The following MAP3K15 variants were observed in gnomAD, a reference collection of about 807,000 sequenced individuals.
MAP3K15 encodes the protein MAPK/ERK kinase kinase 15.
In MAP3K15, 124 loss-of-function variants were observed where a neutral mutation model predicts 99.5. The ratio of observed to expected loss-of-function variants is 1.25; its 90% CI spans 1.08 to 1.45. The LOEUF is 1.45. Ranked by LOEUF, MAP3K15 falls within the 40% of genes most tolerant of loss-of-function variation. The pLI, the probability that MAP3K15 is intolerant of heterozygous loss-of-function variation, is 0.00. For missense variants in MAP3K15, 1,242 were observed against 1,079.7 expected (o/e 1.15, Z -2.11); for synonymous variants, 494 against 439.6 (o/e 1.12, Z -1.55).
chrX:19,371,059 A>G lies in MAP3K15; in HGVS notation c.3300T>C (p.Asn1100=). 1 of 1,100,253 alleles carries G rather than the reference A, an allele frequency of 9.1e-7. No homozygotes were observed. The highest frequency in any genetic ancestry group is 1.2e-6 in the Non-Finnish European group (1 of 832,544). 90.7% of individuals were successfully genotyped at this position (1,100,253 alleles called of 1,213,427 possible). The change falls in exon 24 of 29, where the codon AAT becomes AAC. Residue 1100 remains asparagine (N), a synonymous_variant. Coordinates refer to ENST00000338883, the MANE Select transcript of MAP3K15 (RefSeq NM_001001671.4). ...TAATTAAGTGGTTCCTCAAAATTTT[A>G]TTTACCTAAAAAAAAAAAAAATAAT... ...LVLFGFQDAV[N]KILRNHLIRP...
chrX:19,403,460 C>CTTT lies in MAP3K15; in HGVS notation c.1845-2800_1845-2798dup, dbSNP rs144389481. ...TCCCTAGTCTGCTATTTATTCTATT[C>CTTT]TTTTTTTTTTTTTTTTTTGACAGGA... On this transcript the variant is annotated intron_variant, in intron 13 of 28. Coordinates refer to ENST00000338883, the MANE Select transcript of MAP3K15 (RefSeq NM_001001671.4). Among the ~76,000 whole-genome samples the CTTT allele has an allele frequency of 8.3e-3, 726 of 86,953 alleles. 25 individuals are homozygous for CTTT. Among genetic ancestry groups the CTTT allele is most frequent in the African/African-American group, 0.033 (711 of 21,728 alleles). The allele number at this position is 86,953 out of a possible 115,157, so 75.5% of individuals were successfully genotyped here.
At chrX:19,363,333 G>C (rs1286353433) in intron 25 of MAP3K15, among the ~76,000 whole-genome samples, 1 of 112,079 alleles carries the variant, frequency 8.9e-6, no homozygotes, top group Non-Finnish European at 1.9e-5. Context: ...ACTGGCCACG[G>C]AATCTGCTGG....
chrX:19,375,399 C>G (rs1386671047), intron 19 of MAP3K15, among the ~76,000 whole-genome samples: 1 of 111,881 alleles, frequency 8.9e-6, no homozygotes, highest in African/African-American at 3.3e-5. Flanking sequence ...AACCTTGAGG[C>G]TGCCAATGTA....
intron 6 of MAP3K15, among the ~76,000 whole-genome samples, chrX:19,432,954 C>T (rs991809141): frequency 1.8e-5 from 2 of 112,130 alleles, no homozygotes; most frequent in African/African-American, 6.5e-5. Context: ...TCAGGTGATC[C>T]ACCCGCCTTG....
chrX:19,462,881 T>TTCA (rs1569233236), intron 4 of MAP3K15, among the ~76,000 whole-genome samples: 2 of 112,132 alleles, frequency 1.8e-5, no homozygotes, highest in African/African-American at 6.5e-5. Context: ...GTTCAGAGGG[T>TTCA]GGAATCCACC....
At chrX:19,371,308 A>C (rs747701628) in intron 23 of MAP3K15, 37 bp downstream of exon 23, 6 of 1,178,576 alleles carry the variant, frequency 5.1e-6, no homozygotes, top group Non-Finnish European at 6.9e-6. Flanking sequence ...GAATTCCAAG[A>C]TCTGGTGTGT....
chrX:19,425,982 C>T (rs1470637903), intron 8 of MAP3K15, among the ~76,000 whole-genome samples: 4 of 110,621 alleles, frequency 3.6e-5, no homozygotes, highest in South Asian at 7.8e-4. Flanking sequence ...ATTAGCTGGG[C>T]GTGGTGGTGG....
intron 13 of MAP3K15, among the ~76,000 whole-genome samples, chrX:19,404,685 A>C (rs747387233): frequency 8.9e-6 from 1 of 112,169 alleles, no homozygotes; most frequent in South Asian, 3.7e-4. Flanking sequence ...TTGAGAGTCC[A>C]GAAATAAACT....
At position 19,400,675 on chromosome X, in the gene MAP3K15, A is replaced by G. The variant is rs770188046; in HGVS notation, c.1845-12T>C. 2 of 1,145,377 alleles carry G rather than the reference A, an allele frequency of 1.7e-6. No homozygotes were observed. The highest frequency in any genetic ancestry group is 3.7e-5 in the South Asian group (2 of 54,234). The allele number at this position is 1,145,377 out of a possible 1,213,427, so 94.4% of individuals were successfully genotyped here. The stretch of plus-strand genomic sequence containing the variant: ...CCAAAGAGAAAAATCTAGAACAGCA[A>G]GTGTCACAAATACGTTGCCAACTCA... On this transcript the variant is annotated splice_polypyrimidine_tract_variant and intron_variant, in intron 13 of 28. Transcript: ENST00000338883.
At chrX:19,428,410 A>G (rs1159978897) in intron 7 of MAP3K15, among the ~76,000 whole-genome samples, 2 of 111,701 alleles carry the variant, frequency 1.8e-5, no homozygotes, top group Non-Finnish European at 1.9e-5. Flanking sequence ...GCTTTACCAA[A>G]CATTAACTTC....
intron 3 of MAP3K15, among the ~76,000 whole-genome samples, chrX:19,469,379 C>T (rs770533283): frequency 8.9e-6 from 1 of 112,036 alleles, no homozygotes; most frequent in East Asian, 2.8e-4. Context: ...CCCTTCCTTA[C>T]ACCTTATACA....
chrX:19,423,275 C>T (rs887134927), intron 9 of MAP3K15, among the ~76,000 whole-genome samples: 1 of 111,385 alleles, frequency 9.0e-6, no homozygotes, highest in Non-Finnish European at 1.9e-5. Context: ...ATTTCCATCC[C>T]CACAGGGACC....
intron 14 of MAP3K15, among the ~76,000 whole-genome samples, chrX:19,399,769 T>C (rs779624052): frequency 0.019 from 1,466 of 78,341 alleles, 44 homozygotes; most frequent in African/African-American, 0.067. Context: ...AAAAAAAACA[T>C]GGTTAGTAAA....
At chrX:19,424,193 TACACAC>T (rs201957217) in intron 9 of MAP3K15, among the ~76,000 whole-genome samples, 3 of 106,631 alleles carry the variant, frequency 2.8e-5, no homozygotes, top group Non-Finnish European at 3.9e-5. Context: ...CATGTATATA[TACACAC>T]ACACACACAC....
chrX:19,361,144 G>A (rs1414511000), intron 28 of MAP3K15, 195 bp downstream of exon 28: 4 of 429,374 alleles, frequency 9.3e-6, no homozygotes, highest in Non-Finnish European at 1.2e-5. Flanking sequence ...AGATTGGCCA[G>A]CTCTTCTCTG....
At chrX:19,419,654 T>C (rs1468263983) in intron 9 of MAP3K15, among the ~76,000 whole-genome samples, 30 of 110,745 alleles carry the variant, frequency 2.7e-4, no homozygotes, top group South Asian at 1.5e-3. Context: ...AACAAGGATA[T>C]CCAGGAATTG....
intron 4 of MAP3K15, among the ~76,000 whole-genome samples, chrX:19,463,393 C>T (rs1372276915): frequency 1.8e-5 from 2 of 112,099 alleles, no homozygotes; most frequent in African/African-American, 3.2e-5. Context: ...CTCTACATTT[C>T]ATTTCAGGTC....
chrX:19,472,620 ACT>A (rs968732061), intron 3 of MAP3K15, among the ~76,000 whole-genome samples: 3 of 108,821 alleles, frequency 2.8e-5, no homozygotes, highest in African/African-American at 1.0e-4. Context: ...GGTTAATATA[ACT>A]CTCTCTCTCC....
At chrX:19,411,607 A>AG (rs1412829384) in intron 11 of MAP3K15, among the ~76,000 whole-genome samples, 1 of 110,463 alleles carries the variant, frequency 9.1e-6, no homozygotes, top group African/African-American at 3.3e-5. Context: ...AAGATAGGGC[A>AG]GGGGGTCACG....
Sources: allele counts gnomAD v4.1 joint callset (sites outside exome capture counted in the v4.1 genomes callset), GRCh38; gene constraint gnomAD v4.1.1; transcripts MANE v1.5; gene names NCBI Gene and HGNC (gene_info 2026-07-23, HGNC 2026-07-21).